Variants in STX3 observed in about 807,000 individuals in gnomAD.
STX3 encodes syntaxin-3.
A neutral mutation model predicts 40.2 loss-of-function variants in STX3; 19 were observed. That is an observed-to-expected ratio of 0.47 (90% CI 0.33 to 0.69). The LOEUF (loss-of-function observed/expected upper bound fraction) is 0.69. STX3 is among the 30% of genes least tolerant of loss of function. STX3 has a pLI of 0.02. For missense variants in STX3, 364 were observed against 366.7 expected (o/e 0.99, Z 0.06); for synonymous variants, 122 against 132.2 (o/e 0.92, Z 0.53).
intron 1 of STX3, among the ~76,000 whole-genome samples, chr11:59,770,132 C>T (rs558012381): frequency 2.9e-5 from 4 of 137,736 alleles, no homozygotes; most frequent in African/African-American, 8.2e-5. Context: ...GGAGTGTGTA[C>T]GTGTGCAGCA....
At chr11:59,786,955 A>G in intron 2 of STX3, 82 bp from the exon 3 acceptor site, 2 of 1,237,690 alleles carry the variant, frequency 1.6e-6, no homozygotes, top group Middle Eastern at 1.9e-4. Context: ...AGCTTTCACC[A>G]GCAGCTCTGC....
rs1332080122 is a variant in STX3 at position 59,802,453 on chromosome 11, C to T, written c.*1629C>T. On this transcript the variant is annotated 3_prime_UTR_variant, in exon 11 of 11. Coordinates refer to ENST00000337979, the MANE Select transcript of STX3 (RefSeq NM_004177.5). Reference sequence around the variant, plus strand: ...TTTGCAAAGGCTACTTATGGCCGGTCACAATCCAGCACTCAGACAGAGCCA... The same window carrying T: ...TTTGCAAAGGCTACTTATGGCCGGTTACAATCCAGCACTCAGACAGAGCCA... 1.0e-6 allele frequency: 1 copy of T among 985,736 alleles called. No individual in the cohort carries two copies. Among genetic ancestry groups the T allele is most frequent in the African/African-American group, 1.7e-5 (1 of 57,218 alleles). The allele number at this position is 985,736 out of a possible 1,614,324, so 61.1% of individuals were successfully genotyped here. A position where few individuals can be genotyped will look rare whatever the true frequency, so the allele number is the denominator to read the frequency against.
chr11:59,797,961 A>G (rs1865620407), intron 10 of STX3, among the ~76,000 whole-genome samples: 1 of 152,240 alleles, frequency 6.6e-6, no homozygotes, highest in Admixed American at 6.5e-5. Context: ...AATCCTTACA[A>G]CATCCTTTGA....
Position 59,773,860 on chromosome 11 carries a change from C to T in STX3, c.114+566C>T, listed in dbSNP as rs148691382. Among the ~76,000 whole-genome samples the T allele has an allele frequency of 3.3e-5, 5 of 151,666 alleles. No individual in the cohort carries two copies. In the East Asian group the frequency reaches 9.8e-4, roughly 30 times the overall value. On this transcript the variant is annotated intron_variant, in intron 2 of 10. Coordinates refer to ENST00000337979, the MANE Select transcript of STX3 (RefSeq NM_004177.5). ...CCAGGCACACCTGTAATCCCAGCTA[C>T]TTGGGAGGCTGAGGCAAAGGAATCA...
chr11:59,764,388 C>A (rs1421821168), intron 1 of STX3, among the ~76,000 whole-genome samples: 1 of 152,164 alleles, frequency 6.6e-6, no homozygotes, highest in Non-Finnish European at 1.5e-5. Context: ...GCAGATTATT[C>A]TTGTCATGTC....
chr11:59,755,926 C>T (rs1041517267), intron 1 of STX3, among the ~76,000 whole-genome samples: 13 of 152,252 alleles, frequency 8.5e-5, no homozygotes, highest in African/African-American at 3.1e-4. Context: ...TGCTTGGGCC[C>T]GGGAGGTCAG....
rs915836101 is a variant in STX3, at chr11:59,793,587, G to A, written c.675+73G>A. On this transcript the variant is annotated intron_variant, in intron 8 of 10. Transcript: ENST00000337979. ...AGGGTCTACTGAGAACAGGGAGAAA[G>A]GGAATACTGGAAGCCAGTGAGGTAG... The A allele has an allele frequency of 3.3e-5, 51 of 1,533,092 alleles. No homozygotes were observed. The African/African-American group carries it at 6.6e-4, about 20-fold the overall frequency. 95.0% of individuals were successfully genotyped at this position (1,533,092 alleles called of 1,614,324 possible).
intron 5 of STX3, among the ~76,000 whole-genome samples, chr11:59,791,079 A>C (rs1193564256): frequency 6.6e-6 from 1 of 152,174 alleles, no homozygotes; most frequent in Middle Eastern, 3.2e-3. Context: ...CAGCATCAAA[A>C]GATCTCAGGA....
In STX3 at chr11:59,755,856, T is replaced by C. The variant is rs564014865; in HGVS notation, c.30+221T>C. On this transcript the variant is annotated intron_variant, in intron 1 of 10. Transcript: ENST00000337979. ...CTAGGCAATGATTTTCCTGAACGCC[T>C]CTAACTCTCCCACCCCGCAAGCTGG... is the stretch of plus-strand genomic sequence containing the variant. Among the ~76,000 whole-genome samples the C allele has an allele frequency of 7.9e-5, 12 of 152,148 alleles. No homozygotes were observed. In the South Asian group the frequency reaches 1.7e-3, roughly 21 times the overall value.
rs766257704 is a variant in STX3 at position 59,792,179 on chromosome 11, C to T, written c.430C>T (p.Arg144Cys). Residue 144 changes from arginine to cysteine, a missense_variant, in exon 6 of 11, where the codon CGC becomes TGC. Coordinates refer to ENST00000337979, the MANE Select transcript of STX3 (RefSeq NM_004177.5). Reference sequence around the variant, plus strand: ...TGAAGCTCAAGTGGACTTCCGAGAACGCAGCAAAGGGCGAATCCAGCGGCA... The same window carrying T: ...TGAAGCTCAAGTGGACTTCCGAGAATGCAGCAAAGGGCGAATCCAGCGGCA... The part of the protein sequence containing the change: ...YNEAQVDFRE[R>C]SKGRIQRQLE... 28 of 1,613,916 alleles carry T rather than the reference C, an allele frequency of 1.7e-5. No individual in the cohort carries two copies. Among genetic ancestry groups the T allele is most frequent in the Non-Finnish European group, 2.0e-5 (24 of 1,180,032 alleles).
chr11:59,795,386 T>TA lies in STX3; in HGVS notation c.692dup (p.Asn231LysfsTer19), dbSNP rs2135028350. ...GTTCTTTGCAGGGTGAGATGTTAGA[T>TA]AACATAGAGTTGAATGTCATGCACA... On this transcript the variant is annotated frameshift_variant, in exon 9 of 11. Coordinates refer to ENST00000337979, the MANE Select transcript of STX3 (RefSeq NM_004177.5). LOFTEE classifies it high-confidence loss of function. The TA allele has an allele frequency of 6.2e-7, 1 of 1,613,054 alleles. No individual in the cohort carries two copies. The highest frequency in any genetic ancestry group is 1.1e-5 in the South Asian group (1 of 90,654).
At chr11:59,756,101 T>G (rs1184972532) in intron 1 of STX3, among the ~76,000 whole-genome samples, 1 of 152,168 alleles carries the variant, frequency 6.6e-6, no homozygotes, top group Non-Finnish European at 1.5e-5. Context: ...GCCGGTCACA[T>G]GCTGGGATGG....
At chr11:59,769,930 G>C (rs768779118) in intron 1 of STX3, among the ~76,000 whole-genome samples, 10 of 151,280 alleles carry the variant, frequency 6.6e-5, no homozygotes, top group Middle Eastern at 3.2e-3. Context: ...GTGTATGTGT[G>C]TAGTGGGGTG....
In STX3 at chr11:59,781,100, T is replaced by TTTTTTTTTTTATA. The variant is rs963410109; in HGVS notation, c.115-5936_115-5935insTTTTTTTTTATAT. Among the ~76,000 whole-genome samples, 1,014 of 146,006 alleles carry TTTTTTTTTTTATA rather than the reference T, an allele frequency of 6.9e-3. 14 individuals are homozygous for TTTTTTTTTTTATA. Among genetic ancestry groups the TTTTTTTTTTTATA allele is most frequent in the Admixed American group, 0.038 (556 of 14,444 alleles). ...CATTTGTTTTCTTTTTTTTTTTTTTTTATATTAGCACAAACACATTTATTT... is the reference window on the plus strand; with the variant it reads ...CATTTGTTTTCTTTTTTTTTTTTTTTTTTTTTTTTTATATATATTAGCACAAACACATTTATTT... On this transcript the variant is annotated intron_variant, in intron 2 of 10. Transcript: ENST00000337979.
In STX3 at chr11:59,793,524, A is replaced by G. The variant is rs1865330099; in HGVS notation, c.675+10A>G. The G allele has an allele frequency of 2.5e-6, 4 of 1,610,800 alleles. No homozygotes were observed. The African/African-American group carries it at 5.3e-5, about 22-fold the overall frequency. On this transcript the variant is annotated intron_variant, in intron 8 of 10. Coordinates refer to ENST00000337979, the MANE Select transcript of STX3 (RefSeq NM_004177.5). ...GCTGGTGGAGAATCAGGTAAGTGGC[A>G]GTGAGTCCCAGCGTGGGGAGGGAGG...
rs915533836 is a variant in STX3, at chr11:59,802,834, G to A, written c.*2010G>A. The A allele has an allele frequency of 2.0e-6, 2 of 993,232 alleles. No individual in the cohort carries two copies. The highest frequency in any genetic ancestry group is 3.5e-5 in the African/African-American group (2 of 57,572). The allele number at this position is 993,232 out of a possible 1,614,324, so 61.5% of individuals were successfully genotyped here. ...GTGCTGGATCAGATGGTTCAAAAGT[G>A]CAATTTTTGAACATGGTTTAACTCC... On this transcript the variant is annotated 3_prime_UTR_variant, in exon 11 of 11. Coordinates refer to ENST00000337979, the MANE Select transcript of STX3 (RefSeq NM_004177.5).
At chr11:59,781,100 T>TTTTTTTTTTTTTATATA (rs963410109) in intron 2 of STX3, among the ~76,000 whole-genome samples, 19 of 146,352 alleles carry the variant, frequency 1.3e-4, no homozygotes, top group African/African-American at 3.9e-4. Context: ...TTTTTTTTTT[T>TTTTTTTTTTTTTATATA]TATATTAGCA....
intron 6 of STX3, among the ~76,000 whole-genome samples, chr11:59,792,544 GTGGTGTAAGTTGCTGGGAGGATAAAAGTA>G (rs1341869899): frequency 1.7e-3 from 263 of 152,312 alleles, no homozygotes; most frequent in Non-Finnish European, 2.6e-3. Context: ...AATAAAAAGT[GTGGTGTAAGTTGCTGGGAGGATAAAAGTA>G]TGGTGTAAGT....
chr11:59,784,594 A>G (rs896910304), intron 2 of STX3, among the ~76,000 whole-genome samples: 4 of 152,226 alleles, frequency 2.6e-5, no homozygotes, highest in African/African-American at 4.8e-5. Context: ...GGAAAGCCTC[A>G]CGGTCATGGC....
Sources: allele counts gnomAD v4.1 joint callset (sites outside exome capture counted in the v4.1 genomes callset), GRCh38; gene constraint gnomAD v4.1.1; transcripts MANE v1.5; gene names NCBI Gene and HGNC (gene_info 2026-07-23, HGNC 2026-07-21).